The following SLC12A5 variants were observed in gnomAD, a reference collection of about 807,000 sequenced individuals.
The protein encoded by SLC12A5 is K-Cl cotransporter 2.
In SLC12A5, 18 loss-of-function variants were observed where a neutral mutation model predicts 124.0. That is an observed-to-expected ratio of 0.15 (90% CI 0.10 to 0.22). The LOEUF (loss-of-function observed/expected upper bound fraction) is 0.22. Among genes scored for constraint, SLC12A5 ranks in the 10% least tolerant of loss-of-function variants. The pLI is 1.00. For synonymous variants in SLC12A5, 589 were observed against 568.0 expected (o/e 1.04, Z -0.53); for missense variants, 867 against 1,478.7 (o/e 0.59, Z 6.78).
intron 11 of SLC12A5, 41 bp from the exon 12 acceptor site, chr20:46,044,925 C>T (rs2084580208): frequency 6.2e-7 from 1 of 1,611,816 alleles, no homozygotes. Flanking sequence ...GAAATCCAGG[C>T]AGCACTGCTC....
intron 1 of SLC12A5, among the ~76,000 whole-genome samples, chr20:46,030,865 G>A (rs1467640065): frequency 6.6e-6 from 1 of 151,446 alleles, no homozygotes; most frequent in Admixed American, 6.6e-5. Context: ...TGGTATACAG[G>A]TGCCAGAACT....
chr20:46,051,583 G>A (rs2145501835), intron 17 of SLC12A5, 92 bp from the exon 18 acceptor site: 4 of 1,214,120 alleles, frequency 3.3e-6, no homozygotes, highest in Middle Eastern at 2.0e-4. Context: ...GGGATGAAAG[G>A]AGGGGAGAGA....
chr20:46,058,583 G>A lies in SLC12A5; in HGVS notation c.*978G>A, dbSNP rs930894805. 9.8e-5 allele frequency: 39 copies of A among 399,046 alleles called. No individual in the cohort carries two copies. Among genetic ancestry groups the A allele is most frequent in the African/African-American group, 7.8e-4 (38 of 48,636 alleles). The allele number at this position is 399,046 out of a possible 1,614,324, so 24.7% of individuals were successfully genotyped here. On this transcript the variant is annotated 3_prime_UTR_variant, in exon 26 of 26. Coordinates refer to ENST00000243964, the MANE Select transcript of SLC12A5 (RefSeq NM_020708.5). This position sits in a 1 kb window ranked among gnomAD's most constrained non-coding sequence, Gnocchi z 5.8. The stretch of plus-strand genomic sequence containing the variant: ...GAAACCGAGAGGCCCGCGCCCCACC[G>A]AGGAAGCCCCGCCCCGGTGCCTTCG...
Position 46,045,919 on chromosome 20 carries a change from C to T in SLC12A5, c.1611C>T (p.Ala537=), listed in dbSNP as rs1410597763. The change falls in exon 13 of 26, where the codon GCC becomes GCT. Residue 537 remains alanine (A), a synonymous_variant. Coordinates refer to ENST00000243964, the MANE Select transcript of SLC12A5 (RefSeq NM_020708.5). The surrounding 1 kb of genome is among the most constrained non-coding windows in gnomAD (Gnocchi z 4.9). ...HGKANGEPTW[A]LLLTACICEI... is the part of the protein sequence containing the mutation. ...AGGCCAATGGAGAGCCGACCTGGGC[C>T]CTGCTCCTGACTGCCTGCATCTGCG... 6.2e-7 allele frequency: 1 copy of T among 1,614,202 alleles called. No individual in the cohort carries two copies. The highest frequency in any genetic ancestry group is 2.2e-5 in the East Asian group (1 of 44,880).
chr20:46,055,910 C>T (rs1265644285), intron 21 of SLC12A5: 1 of 532,442 alleles, frequency 1.9e-6, no homozygotes, highest in Non-Finnish European at 3.4e-6. Context: ...CTAGGCAGAG[C>T]CTTGCTGTGC....
At chr20:46,036,146 T>G (rs1478771291) in intron 4 of SLC12A5, 1 of 491,120 alleles carries the variant, frequency 2.0e-6, no homozygotes, top group African/African-American at 1.9e-5. Context: ...TGTGTGTAAT[T>G]ACACAAGTGA....
chr20:46,035,144 C>T, intron 2 of SLC12A5, 102 bp downstream of exon 2: 1 of 1,230,420 alleles, frequency 8.1e-7, no homozygotes, highest in Non-Finnish European at 1.2e-6. Context: ...TCGTCTCCAC[C>T]CCTCCCTTGA....
rs112295893 is a variant in SLC12A5, at chr20:46,035,590, G to A, written c.279+55G>A. 384 of 1,260,792 alleles carry A rather than the reference G, an allele frequency of 3.0e-4. 3 individuals carry two copies. The African/African-American group carries it at 5.3e-3, about 18-fold the overall frequency. The allele number at this position is 1,260,792 out of a possible 1,614,324, so 78.1% of individuals were successfully genotyped here. A position where few individuals can be genotyped will look rare whatever the true frequency, so the allele number is the denominator to read the frequency against. ...GAAAAGGGACGGATGGGGGGTGGGGGAGGATGGGGGAGGAAAATGGATTTG... is the reference window on the plus strand; with the variant it reads ...GAAAAGGGACGGATGGGGGGTGGGGAAGGATGGGGGAGGAAAATGGATTTG... On this transcript the variant is annotated intron_variant, in intron 3 of 25. Transcript: ENST00000243964.
At position 46,035,053 on chromosome 20, in the gene SLC12A5, AG is replaced by A; in HGVS notation, c.147+14del. The stretch of plus-strand genomic sequence containing the variant: ...ATGGCCTTGTTTGAGGTGGGCTGCT[AG>A]GGCTGTTGGGCCCCCACCTACAATT... On this transcript the variant is annotated intron_variant, in intron 2 of 25. Transcript: ENST00000243964. 6.2e-7 allele frequency: 1 copy of A among 1,613,256 alleles called. No individual in the cohort carries two copies. The highest frequency in any genetic ancestry group is 8.5e-7 in the Non-Finnish European group (1 of 1,179,372).
At chr20:46,026,476 C>A (rs1022962188), upstream of SLC12A5, among the ~76,000 whole-genome samples, 1 of 152,086 alleles carries the variant, frequency 6.6e-6, no homozygotes. Context: ...TTTCTCTGAA[C>A]CTCACCACAG....
In SLC12A5 at chr20:46,056,602, A is replaced by T. The variant is rs773987966; in HGVS notation, c.3110+38A>T. 1.3e-6 allele frequency: 2 copies of T among 1,590,802 alleles called. No homozygotes were observed. Among genetic ancestry groups the T allele is most frequent in the Admixed American group, 3.5e-5 (2 of 56,698 alleles). ...GGGCTAAGGGCTGGGGGCTGGGGTG[A>T]GCTAAAGGGTCTTGCTCCCCATGGC... On this transcript the variant is annotated intron_variant, in intron 23 of 25. Transcript: ENST00000243964. The surrounding 1 kb of genome is among the most constrained non-coding windows in gnomAD (Gnocchi z 4.3).
intron 1 of SLC12A5, among the ~76,000 whole-genome samples, chr20:46,022,470 G>T (rs2084363981): frequency 6.6e-6 from 1 of 151,988 alleles, no homozygotes; most frequent in Non-Finnish European, 1.5e-5. Flanking sequence ...CGAGGCAGGT[G>T]CCAGGTCAGC....
chr20:46,041,134 T>C, intron 7 of SLC12A5, 195 bp from the exon 8 acceptor site: 2 of 546,880 alleles, frequency 3.7e-6, no homozygotes, highest in Non-Finnish European at 6.4e-6. Context: ...CCACCTTGGC[T>C]GCTTATTAGA....
chr20:46,056,783 G>A lies in SLC12A5; in HGVS notation c.3111-114G>A, dbSNP rs2084699926. ...CAGCGGAAAGGTGAAGGGTGTGGGG[G>A]CTGGCAGAGCAGGACTCAGGGCAGA... On this transcript the variant is annotated intron_variant, in intron 23 of 25. Transcript: ENST00000243964. The surrounding 1 kb of genome is among the most constrained non-coding windows in gnomAD (Gnocchi z 4.3). 4.7e-6 allele frequency: 6 copies of A among 1,269,384 alleles called. No individual in the cohort carries two copies. The Admixed American group carries it at 1.0e-4, about 22-fold the overall frequency. 78.6% of individuals were successfully genotyped at this position (1,269,384 alleles called of 1,614,324 possible).
intron 5 of SLC12A5, 84 bp downstream of exon 5, chr20:46,036,879 C>T: frequency 6.6e-7 from 1 of 1,523,994 alleles, no homozygotes; most frequent in Non-Finnish European, 9.1e-7. Flanking sequence ...ACATCAAGGC[C>T]CAAGAGAGAT....
At chr20:46,025,032 C>T (rs1007454180), upstream of SLC12A5, among the ~76,000 whole-genome samples, 2 of 152,124 alleles carry the variant, frequency 1.3e-5, no homozygotes, top group African/African-American at 4.8e-5. Context: ...ACAATGTAGC[C>T]CATCTGTGTT....
Position 46,045,161 on chromosome 20 carries a change from G to A in SLC12A5, c.1569+21G>A, listed in dbSNP as rs1045756906. 2 of 1,545,766 alleles carry A rather than the reference G, an allele frequency of 1.3e-6. No homozygotes were observed. Among genetic ancestry groups the A allele is most frequent in the Middle Eastern group, 1.7e-4 (1 of 5,764 alleles). ...TGCAGGTCAGTGTGGGAGAAGAACAGCCCACCCTCAGTAGACCAGCCAGGC... is the reference window on the plus strand; with the variant it reads ...TGCAGGTCAGTGTGGGAGAAGAACAACCCACCCTCAGTAGACCAGCCAGGC... On this transcript the variant is annotated intron_variant, in intron 12 of 25. Coordinates refer to ENST00000243964, the MANE Select transcript of SLC12A5 (RefSeq NM_020708.5). The surrounding 1 kb of genome is among the most constrained non-coding windows in gnomAD (Gnocchi z 4.9).
At chr20:46,043,850 G>T in intron 10 of SLC12A5, 26 bp from the exon 11 acceptor site, 1 of 1,613,846 alleles carries the variant, frequency 6.2e-7, no homozygotes, top group African/African-American at 1.3e-5. Flanking sequence ...TGAACCGTGG[G>T]GATTCTCCTT....
Position 46,059,844 on chromosome 20 carries a change from T to G in SLC12A5, c.*2239T>G, listed in dbSNP as rs998679084. 1 of 390,578 alleles carries G rather than the reference T, an allele frequency of 2.6e-6. No homozygotes were observed. Among genetic ancestry groups the G allele is most frequent in the African/African-American group, 2.1e-5 (1 of 48,514 alleles). 24.2% of individuals were successfully genotyped at this position (390,578 alleles called of 1,614,324 possible). A position where few individuals can be genotyped will look rare whatever the true frequency, so the allele number is the denominator to read the frequency against. ...TTGCTTTTGTTTTAGATGATCTATG[T>G]GCAGGGCAATGCAATGAAGTTGAAA... is the stretch of plus-strand genomic sequence containing the variant. On this transcript the variant is annotated 3_prime_UTR_variant, in exon 26 of 26. Transcript: ENST00000243964.
Sources: gnomAD v4.1 joint callset for allele counts (sites outside exome capture counted in the v4.1 genomes callset) on GRCh38, gnomAD v4.1.1 for gene constraint, Gnocchi (gnomAD v3.1) non-coding constraint, MANE v1.5 for transcripts, NCBI Gene and HGNC (gene_info 2026-07-23, HGNC 2026-07-21) for gene names.